The following CFAP54 variants were observed in gnomAD, a reference collection of about 807,000 sequenced individuals.
The protein encoded by CFAP54 is cilia- and flagella-associated protein 54.
In CFAP54, 290 loss-of-function variants were observed where a neutral mutation model predicts 370.4. The observed-to-expected ratio is 0.78, with a 90% CI of 0.71 to 0.86. CFAP54 has a LOEUF of 0.86. CFAP54 is among the 40% of genes least tolerant of loss of function. The pLI is 0.00. For synonymous variants in CFAP54, 1,206 were observed against 1,236.5 expected (o/e 0.98, Z 0.52); for missense variants, 3,399 against 3,528.7 (o/e 0.96, Z 0.93).
chr12:96,697,647 G>T (rs968762286), intron 45 of CFAP54, among the ~76,000 whole-genome samples: 3 of 152,032 alleles, frequency 2.0e-5, no homozygotes, highest in African/African-American at 7.3e-5. Flanking sequence ...AGTATGATGG[G>T]TGGACATGCT....
chr12:96,526,885 G>GTTTTTTTTTTTTTT (rs34080505), intron 8 of CFAP54, among the ~76,000 whole-genome samples: 4 of 97,688 alleles, frequency 4.1e-5, no homozygotes, highest in African/African-American at 8.1e-5. Flanking sequence ...CTTATAACAG[G>GTTTTTTTTTTTTTT]TTTTTTTTTT....
intron 33 of CFAP54, chr12:96,645,376 G>T (rs1956776554): frequency 3.5e-6 from 1 of 287,418 alleles, no homozygotes; most frequent in Non-Finnish European, 7.0e-6. Flanking sequence ...AAAATACCCA[G>T]GAATCCAACT....
intron 26 of CFAP54, among the ~76,000 whole-genome samples, chr12:96,609,651 T>G (rs1956334318): frequency 6.6e-6 from 1 of 152,186 alleles, no homozygotes; most frequent in Non-Finnish European, 1.5e-5. Context: ...GTAATTGTAC[T>G]GGTCTCAAAA....
At chr12:96,708,847 C>T in intron 48 of CFAP54, 44 bp downstream of exon 48, 1 of 1,466,750 alleles carries the variant, frequency 6.8e-7, no homozygotes, top group Non-Finnish European at 9.3e-7. Flanking sequence ...TCCTCCCTTT[C>T]CCTAACTGTT....
chr12:96,737,496 G>GTTT lies in CFAP54; in HGVS notation c.6966-2451_6966-2449dup, dbSNP rs398039990. ...TATATTTTATATATATATATGTTTT[G>GTTT]TTTTTTTTTTTGAGACAGAGTCTTG... On this transcript the variant is annotated intron_variant, in intron 50 of 67. Transcript: ENST00000524981. Among the ~76,000 whole-genome samples, 3 of 143,510 alleles carry GTTT rather than the reference G, an allele frequency of 2.1e-5. No individual in the cohort carries two copies. The East Asian group carries it at 6.0e-4, about 29-fold the overall frequency. 94.1% of individuals were successfully genotyped at this position (143,510 alleles called of 152,430 possible). A position where few individuals can be genotyped will look rare whatever the true frequency, so the allele number is the denominator to read the frequency against.
intron 9 of CFAP54, among the ~76,000 whole-genome samples, chr12:96,532,015 C>T (rs1285533332): frequency 1.3e-5 from 2 of 152,176 alleles, no homozygotes; most frequent in South Asian, 2.1e-4. Flanking sequence ...CATAAGCCAT[C>T]GCACCCGGCC....
chr12:96,640,161 A>G (rs921173032), intron 32 of CFAP54, among the ~76,000 whole-genome samples: 2 of 152,156 alleles, frequency 1.3e-5, no homozygotes, highest in African/African-American at 4.8e-5. Context: ...AGACGACATG[A>G]TTATATATCT....
chr12:96,622,302 T>A (rs988490504), intron 27 of CFAP54, among the ~76,000 whole-genome samples: 2 of 152,006 alleles, frequency 1.3e-5, no homozygotes, highest in Admixed American at 6.6e-5. Context: ...GAAATGTTAC[T>A]TAGTTCACTG....
At chr12:96,602,934 T>A (rs572590338) in intron 26 of CFAP54, among the ~76,000 whole-genome samples, 3 of 152,216 alleles carry the variant, frequency 2.0e-5, no homozygotes, top group Non-Finnish European at 4.4e-5. Flanking sequence ...TGTCTTTTAA[T>A]TGGAGCACTT....
chr12:96,706,700 C>T (rs1054565738), intron 47 of CFAP54, among the ~76,000 whole-genome samples: 1 of 152,066 alleles, frequency 6.6e-6, no homozygotes, highest in Non-Finnish European at 1.5e-5. Flanking sequence ...CCACCATGTG[C>T]CAGGTACTGT....
At chr12:96,662,117 A>G (rs540730230) in intron 38 of CFAP54, among the ~76,000 whole-genome samples, 3 of 152,144 alleles carry the variant, frequency 2.0e-5, no homozygotes, top group Non-Finnish European at 4.4e-5. Context: ...CTATTTGTTT[A>G]TTATCCAAAC....
intron 17 of CFAP54, among the ~76,000 whole-genome samples, chr12:96,562,940 A>G (rs12307128): frequency 0.12 from 18,497 of 152,278 alleles, 1,208 homozygotes; most frequent in Middle Eastern, 0.19. Flanking sequence ...TTTCTAATAC[A>G]TAAATGAATT....
chr12:96,708,590 CT>C lies in CFAP54; in HGVS notation c.6529-12del. ...GTATTTTTCTAATTTGCTCTTTTTCCTTTTTTCCATTTTTTAGGCAATTGAT... is the reference window on the plus strand; with the variant it reads ...GTATTTTTCTAATTTGCTCTTTTTCCTTTTTCCATTTTTTAGGCAATTGAT... On this transcript the variant is annotated splice_polypyrimidine_tract_variant and intron_variant, in intron 47 of 67. Coordinates refer to ENST00000524981, the MANE Select transcript of CFAP54 (RefSeq NM_001306084.2). The C allele has an allele frequency of 6.4e-7, 1 of 1,573,906 alleles. No individual in the cohort carries two copies. The highest frequency in any genetic ancestry group is 8.6e-7 in the Non-Finnish European group (1 of 1,167,402).
At chr12:96,610,687 C>A (rs1266397137) in intron 26 of CFAP54, among the ~76,000 whole-genome samples, 4 of 152,166 alleles carry the variant, frequency 2.6e-5, no homozygotes, top group African/African-American at 9.7e-5. Context: ...TCACTCCCAC[C>A]CTAATACTGT....
At chr12:96,756,314 T>C in intron 56 of CFAP54, 144 bp from the exon 57 acceptor site, 4 of 565,072 alleles carry the variant, frequency 7.1e-6, no homozygotes, top group East Asian at 3.2e-5. Context: ...TCTTTCCTCA[T>C]TGGCTTACCT....
In CFAP54 at chr12:96,663,761, A is replaced by T; in HGVS notation, c.5461-69A>T. On this transcript the variant is annotated intron_variant, in intron 38 of 67. Coordinates refer to ENST00000524981, the MANE Select transcript of CFAP54 (RefSeq NM_001306084.2). ...CTGATAAATAAAAAATGAGAGAAAC[A>T]TTTCAAGTAAGCGAAATTTTTAACT... The T allele has an allele frequency of 4.5e-6, 5 of 1,108,532 alleles. No homozygotes were observed. The South Asian group carries it at 6.8e-5, about 15-fold the overall frequency. The allele number at this position is 1,108,532 out of a possible 1,614,324, so 68.7% of individuals were successfully genotyped here. A position where few individuals can be genotyped will look rare whatever the true frequency, so the allele number is the denominator to read the frequency against.
Position 96,495,091 on chromosome 12 carries a change from A to T in CFAP54, c.317+5165A>T, listed in dbSNP as rs74478094. Among the ~76,000 whole-genome samples the T allele has an allele frequency of 3.5e-3, 532 of 152,342 alleles. 3 individuals carry two copies. The highest frequency in any genetic ancestry group is 3.5e-3 in the Non-Finnish European group (240 of 68,030). On this transcript the variant is annotated intron_variant, in intron 1 of 67. Coordinates refer to ENST00000524981, the MANE Select transcript of CFAP54 (RefSeq NM_001306084.2). ...TAACTATGGAAACTTCCATAAGCAT[A>T]CAATTCATAGTATTTAAAATATAAA... is the stretch of plus-strand genomic sequence containing the variant.
At chr12:96,668,092 C>A (rs1957101766) in intron 39 of CFAP54, among the ~76,000 whole-genome samples, 1 of 152,202 alleles carries the variant, frequency 6.6e-6, no homozygotes, top group Admixed American at 6.5e-5. Context: ...TTGGTCAAAG[C>A]CATTCAACAA....
chr12:96,520,511 T>C (rs1192270434), intron 6 of CFAP54, among the ~76,000 whole-genome samples: 2 of 152,006 alleles, frequency 1.3e-5, no homozygotes, highest in East Asian at 3.8e-4. Context: ...AAACTCCATC[T>C]CAAAAAAATT....
Sources: allele counts gnomAD v4.1 joint callset (sites outside exome capture counted in the v4.1 genomes callset), GRCh38; gene constraint gnomAD v4.1.1; transcripts MANE v1.5; gene names NCBI Gene and HGNC (gene_info 2026-07-23, HGNC 2026-07-21).